LRBA: variants seen among roughly 807,000 people sequenced by gnomAD.
The protein encoded by LRBA is LPS responsive beige-like anchor protein.
In LRBA, 176 loss-of-function variants were observed where a neutral mutation model predicts 330.0. That is an observed-to-expected ratio of 0.53 (90% confidence interval 0.47 to 0.60). The LOEUF (loss-of-function observed/expected upper bound fraction) is 0.60. Ranked by LOEUF, LRBA falls within the 20% of genes least tolerant of loss-of-function variation. The pLI is 0.00. For missense variants in LRBA, 3,259 were observed against 3,444.8 expected (o/e 0.95, Z 1.35); for synonymous variants, 1,230 against 1,193.0 (o/e 1.03, Z -0.64).
intron 35 of LRBA, among the ~76,000 whole-genome samples, chr4:150,745,810 A>AAAGT (rs1162788900): frequency 2.6e-4 from 39 of 151,934 alleles, no homozygotes; most frequent in Non-Finnish European, 4.4e-5. Flanking sequence ...CACTGCGCCC[A>AAAGT]GCCGAGAAAA....
chr4:150,605,081 A>T (rs1322601907), intron 37 of LRBA, among the ~76,000 whole-genome samples: 1 of 152,200 alleles, frequency 6.6e-6, no homozygotes, highest in East Asian at 1.9e-4. Context: ...TTAAGTTCGC[A>T]TTGCTATATT....
chr4:150,302,236 C>A (rs892336450), intron 53 of LRBA, among the ~76,000 whole-genome samples: 2 of 151,146 alleles, frequency 1.3e-5, no homozygotes, highest in Non-Finnish European at 3.0e-5. Flanking sequence ...TTTATCAAGA[C>A]TAGTTTGTTT....
Position 150,436,800 on chromosome 4 carries a change from T to G in LRBA, c.6845A>C (p.Asp2282Ala), listed in dbSNP as rs770872766. 1 of 1,613,678 alleles carries G rather than the reference T, an allele frequency of 6.2e-7. No homozygotes were observed. The highest frequency in any genetic ancestry group is 1.1e-5 in the South Asian group (1 of 91,056). ...ATAGTGAAACTTTGGAACTTGATCATCTTCCCATGATTCATAACGCTCAGC... is the reference window on the plus strand; with the variant it reads ...ATAGTGAAACTTTGGAACTTGATCAGCTTCCCATGATTCATAACGCTCAGC... Reference protein sequence around the residue: ...FFAERYESWEDDQVPKFHYGT... With the variant: ...FFAERYESWEADQVPKFHYGT... The change falls in exon 45 of 57, where the codon GAT (aspartate) becomes GCT (alanine). Residue 2282 changes from aspartate (D) to alanine (A), a missense_variant. Coordinates refer to ENST00000651943, the MANE Select transcript of LRBA (RefSeq NM_001364905.1).
intron 42 of LRBA, among the ~76,000 whole-genome samples, chr4:150,478,711 C>T (rs1032854965): frequency 6.6e-5 from 10 of 152,154 alleles, no homozygotes; most frequent in African/African-American, 1.9e-4. Flanking sequence ...TTTGCATATA[C>T]TGTGCCTTCG....
At chr4:150,399,371 C>T (rs1273799782) in intron 47 of LRBA, among the ~76,000 whole-genome samples, 3 of 152,174 alleles carry the variant, frequency 2.0e-5, no homozygotes, top group African/African-American at 4.8e-5. Context: ...GATGCTCAAG[C>T]TCTGCTGTTG....
chr4:150,619,059 C>G (rs1003361272), intron 37 of LRBA, among the ~76,000 whole-genome samples: 4 of 151,714 alleles, frequency 2.6e-5, no homozygotes, highest in Non-Finnish European at 5.9e-5. Flanking sequence ...ATTTTAAAAG[C>G]AAAGTCATTA....
chr4:150,736,642 T>G (rs1258944557), intron 35 of LRBA, among the ~76,000 whole-genome samples: 3 of 152,000 alleles, frequency 2.0e-5, no homozygotes, highest in Non-Finnish European at 4.4e-5. Context: ...ATCTGTAGTA[T>G]AAGAAAGAGT....
intron 36 of LRBA, among the ~76,000 whole-genome samples, chr4:150,687,211 A>G (rs1783700730): frequency 6.6e-6 from 1 of 152,164 alleles, no homozygotes; most frequent in Non-Finnish European, 1.5e-5. Flanking sequence ...TTAAAAACCA[A>G]TAATAAATCC....
intron 2 of LRBA, among the ~76,000 whole-genome samples, chr4:150,947,716 G>A (rs1379942562): frequency 6.6e-6 from 1 of 152,032 alleles, no homozygotes; most frequent in Non-Finnish European, 1.5e-5. Flanking sequence ...AAGGTATGCA[G>A]GTGAGAAAGG....
At chr4:150,354,250 C>A (rs975140754) in intron 47 of LRBA, among the ~76,000 whole-genome samples, 1 of 151,598 alleles carries the variant, frequency 6.6e-6, no homozygotes, top group East Asian at 1.9e-4. Context: ...TAAAAAAATT[C>A]TTCATATATA....
intron 37 of LRBA, among the ~76,000 whole-genome samples, chr4:150,603,225 T>C (rs1179249670): frequency 6.6e-6 from 1 of 152,224 alleles, no homozygotes; most frequent in Non-Finnish European, 1.5e-5. Context: ...CATATGTCTT[T>C]AAAAAGTTAT....
At chr4:150,986,972 C>A (rs1741531841) in intron 2 of LRBA, among the ~76,000 whole-genome samples, 1 of 152,190 alleles carries the variant, frequency 6.6e-6, no homozygotes, top group South Asian at 2.1e-4. Flanking sequence ...CAACAATATA[C>A]CCTCTGGGGC....
chr4:150,746,957 A>G (rs1280026096), intron 35 of LRBA, among the ~76,000 whole-genome samples: 1 of 152,194 alleles, frequency 6.6e-6, no homozygotes, highest in Admixed American at 6.5e-5. Context: ...CACTGGGATC[A>G]TCTTTCTAAA....
In LRBA at chr4:150,791,474, G is replaced by A. The variant is rs144376632; in HGVS notation, c.5580+6607C>T. 4.3e-3 allele frequency among the ~76,000 whole-genome samples: 657 copies of A among 152,258 alleles called. 4 individuals carry two copies. Among genetic ancestry groups the A allele is most frequent in the African/African-American group, 0.015 (635 of 41,538 alleles). On this transcript the variant is annotated intron_variant, in intron 34 of 56. Coordinates refer to ENST00000651943, the MANE Select transcript of LRBA (RefSeq NM_001364905.1). ...ATAATAGATGATAGTTTCCTTAAAG[G>A]AAGGGGCTTGTCTTAAAAGCATACG...
At chr4:150,722,672 C>T (rs1465898308) in intron 36 of LRBA, among the ~76,000 whole-genome samples, 1 of 151,846 alleles carries the variant, frequency 6.6e-6, no homozygotes, top group South Asian at 2.1e-4. Flanking sequence ...AGGCCTATCC[C>T]GTTTGTCCAC....
intron 35 of LRBA, among the ~76,000 whole-genome samples, chr4:150,744,656 T>C (rs767144705): frequency 1.3e-5 from 2 of 152,190 alleles, no homozygotes; most frequent in Non-Finnish European, 2.9e-5. Flanking sequence ...TGACCTTTCA[T>C]TATATTTTAG....
chr4:150,691,494 G>A (rs1266521785), intron 36 of LRBA, among the ~76,000 whole-genome samples: 1 of 152,098 alleles, frequency 6.6e-6, no homozygotes, highest in East Asian at 1.9e-4. Context: ...ATCACAATAA[G>A]CTATCACTAT....
intron 40 of LRBA, among the ~76,000 whole-genome samples, chr4:150,506,272 C>A (rs559416132): frequency 0.14 from 21,438 of 151,614 alleles, 1,410 homozygotes; most frequent in Middle Eastern, 0.17. Flanking sequence ...GAGACACAAC[C>A]AAAAAAGAGA....
chr4:150,817,287 G>A lies in LRBA; in HGVS notation c.5172-30C>T. 1.9e-6 allele frequency: 3 copies of A among 1,597,396 alleles called. No individual in the cohort carries two copies. The South Asian group carries it at 3.3e-5, about 18-fold the overall frequency. The stretch of plus-strand genomic sequence containing the variant: ...AATAAAGAAAGTAAACAGACTGAAA[G>A]ATACAAATTGATCTCTTGAATTAAT... On this transcript the variant is annotated intron_variant, in intron 30 of 56. Transcript: ENST00000651943.
Sources: gnomAD v4.1 joint callset for allele counts (sites outside exome capture counted in the v4.1 genomes callset) on GRCh38, gnomAD v4.1.1 for gene constraint, MANE v1.5 for transcripts, NCBI Gene and HGNC (gene_info 2026-07-23, HGNC 2026-07-21) for gene names.